Variants in DPP6 observed in about 807,000 individuals in gnomAD.
The protein encoded by DPP6 is dipeptidyl peptidase like 6.
In DPP6, 69 loss-of-function variants were observed where a neutral mutation model predicts 122.6. That is an observed-to-expected ratio of 0.56 (90% CI 0.46 to 0.69). DPP6 has a LOEUF of 0.69. Ranked by LOEUF, DPP6 falls within the 30% of genes least tolerant of loss-of-function variation. The pLI is 0.00. For missense variants in DPP6, 928 were observed against 1,116.9 expected (o/e 0.83, Z 2.41); for synonymous variants, 418 against 433.1 (o/e 0.97, Z 0.43).
At chr7:154,346,762 C>T (rs1272812026) in intron 1 of DPP6, among the ~76,000 whole-genome samples, 3 of 152,226 alleles carry the variant, frequency 2.0e-5, no homozygotes, top group Non-Finnish European at 4.4e-5. Context: ...GCTTCCTGAG[C>T]TTTCCTGTGC....
chr7:154,431,003 G>C (rs141808098), intron 1 of DPP6, among the ~76,000 whole-genome samples: 1 of 152,260 alleles, frequency 6.6e-6, no homozygotes, highest in East Asian at 1.9e-4. Flanking sequence ...ATGATGTCCT[G>C]TGCTCACGGC....
intron 1 of DPP6, among the ~76,000 whole-genome samples, chr7:153,964,940 T>TTCTTTC (rs775438233): frequency 6.9e-5 from 6 of 86,722 alleles, no homozygotes; most frequent in African/African-American, 1.8e-4. Context: ...CTTTCTTTCT[T>TTCTTTC]TTTCTTTCTT....
rs775016101 is a variant in DPP6 at position 154,893,451 on chromosome 7, T to TAAAAAAAAAAAAAAAAAAAAAAA, written c.*971_*972insAAAAAAAAAAAAAAAAAAAAAAA. The TAAAAAAAAAAAAAAAAAAAAAAA allele has an allele frequency of 1.3e-4, 8 of 61,334 alleles. 1 individual carries two copies. The highest frequency in any genetic ancestry group is 3.5e-4 in the African/African-American group (7 of 19,890). The allele number at this position is 61,334 out of a possible 1,614,324, so 3.8% of individuals were successfully genotyped here. ...CAAGCTCTTTCCCATGACATTTGGT[T>TAAAAAAAAAAAAAAAAAAAAAAA]TAAAAAAAAAAAAAAAAAAAAAAAA... On this transcript the variant is annotated 3_prime_UTR_variant, in exon 26 of 26. Transcript: ENST00000377770.
At chr7:153,760,365 G>C in the DPP6 span, among the ~76,000 whole-genome samples, 1 of 152,194 alleles carries the variant, frequency 6.6e-6, no homozygotes, top group Non-Finnish European at 1.5e-5. Context: ...AGTTGCAGCA[G>C]CTCTGGGTCA....
chr7:154,700,107 C>T lies in DPP6; in HGVS notation c.763-27660C>T, dbSNP rs191740501. Among the ~76,000 whole-genome samples, 84 of 152,258 alleles carry T rather than the reference C, an allele frequency of 5.5e-4. 1 individual carries two copies. The highest frequency in any genetic ancestry group is 1.7e-3 in the South Asian group (8 of 4,820). On this transcript the variant is annotated intron_variant, in intron 7 of 25. Transcript: ENST00000377770. ...AAAGTCTTCAGTGTTTGGTTAATAA[C>T]AAGTACTATGTGAATGTAAAATAAA...
rs147195003 is a variant in DPP6, at chr7:154,781,215, C to A, written c.1136+8273C>A. Among the ~76,000 whole-genome samples the A allele has an allele frequency of 5.8e-3, 881 of 152,110 alleles. 6 individuals carry two copies. The highest frequency in any genetic ancestry group is 0.02 in the African/African-American group (821 of 41,480). On this transcript the variant is annotated intron_variant, in intron 10 of 25. Coordinates refer to ENST00000377770, the MANE Select transcript of DPP6 (RefSeq NM_130797.4). ...ATGGATGGATGGACAGACTGATGGACAAATAGATAGATGGGTGCTGAGTGT... is the reference window on the plus strand; with the variant it reads ...ATGGATGGATGGACAGACTGATGGAAAAATAGATAGATGGGTGCTGAGTGT...
intron 5 of DPP6, 72 bp from the exon 6 acceptor site, chr7:154,637,749 A>G (rs1463476455): frequency 6.8e-6 from 10 of 1,478,212 alleles, no homozygotes; most frequent in South Asian, 1.4e-5. Context: ...TAGGATTCAC[A>G]GTGATTTGAA....
intron 1 of DPP6, among the ~76,000 whole-genome samples, chr7:153,930,649 A>G (rs1801130571): frequency 6.6e-6 from 1 of 152,150 alleles, no homozygotes. Context: ...TTCTTACCGA[A>G]AGACTTTTTA....
rs562530959 is a variant in DPP6 at position 154,755,050 on chromosome 7, G to A, written c.884-14367G>A. ...ATGCAGGGCTTAAAACCTAGATGAC[G>A]GGTTGATAGATGCAGCAAACCACCA... On this transcript the variant is annotated intron_variant, in intron 8 of 25. Coordinates refer to ENST00000377770, the MANE Select transcript of DPP6 (RefSeq NM_130797.4). This position sits in a 1 kb window ranked among gnomAD's most constrained non-coding sequence, Gnocchi z 4.7. Among the ~76,000 whole-genome samples the A allele has an allele frequency of 9.9e-5, 15 of 151,608 alleles. No homozygotes were observed. The highest frequency in any genetic ancestry group is 1.9e-4 in the East Asian group (1 of 5,138).
chr7:154,271,396 G>T (rs1307469270), intron 1 of DPP6, among the ~76,000 whole-genome samples: 1 of 152,164 alleles, frequency 6.6e-6, no homozygotes, highest in Non-Finnish European at 1.5e-5. Context: ...ACGTGGGCAG[G>T]TGTTGAGTTC....
chr7:153,882,027 T>A, the DPP6 span, among the ~76,000 whole-genome samples: 2 of 152,200 alleles, frequency 1.3e-5, no homozygotes, highest in Non-Finnish European at 2.9e-5. Context: ...ATAAAATCTA[T>A]CACATGTCAT....
chr7:153,786,769 C>T, the DPP6 span, among the ~76,000 whole-genome samples: 1 of 95,180 alleles, frequency 1.1e-5, no homozygotes, highest in African/African-American at 3.6e-5. Flanking sequence ...AAAAGATATA[C>T]TACTATTTTG....
chr7:153,837,837 A>ATTTTTTTTTTTTTTTTTTT, the DPP6 span, among the ~76,000 whole-genome samples: 90 of 80,636 alleles, frequency 1.1e-3, 5 homozygotes, highest in Non-Finnish European at 1.6e-3. Flanking sequence ...TGCCTGGTTA[A>ATTTTTTTTTTTTTTTTTTT]TTTTTTTTTT....
intron 1 of DPP6, among the ~76,000 whole-genome samples, chr7:154,317,954 A>G (rs566479618): frequency 3.3e-5 from 5 of 152,238 alleles, no homozygotes; most frequent in Non-Finnish European, 7.3e-5. Flanking sequence ...CATATTCTCA[A>G]CAAATGCATG....
Position 154,711,939 on chromosome 7 carries a change from TACACAC to T in DPP6, c.763-15807_763-15802del, listed in dbSNP as rs57187871. On this transcript the variant is annotated intron_variant, in intron 7 of 25. Transcript: ENST00000377770. ...ATTAAGGGTGTAAATTGTCACTTAA[TACACAC>T]ACACACACACACACACACACTCTTC... Among the ~76,000 whole-genome samples, 7 of 63,834 alleles carry T rather than the reference TACACAC, an allele frequency of 1.1e-4. 1 individual carries two copies. The highest frequency in any genetic ancestry group is 0.017 in the Middle Eastern group (2 of 120). The allele number at this position is 63,834 out of a possible 152,430, so 41.9% of individuals were successfully genotyped here.
chr7:154,126,612 G>A (rs1253957420), intron 1 of DPP6, among the ~76,000 whole-genome samples: 11 of 150,680 alleles, frequency 7.3e-5, no homozygotes, highest in South Asian at 2.1e-4. Flanking sequence ...CGAGCATCAC[G>A]ATTCGAAACC....
rs986719080 is a variant in DPP6, at chr7:154,380,080, G to A, written c.244-66134G>A. ...CCAAAAAGTAATGAGGTTGAGGGGA[G>A]AATATACTAAATTGAAAAAACACAC... On this transcript the variant is annotated intron_variant, in intron 1 of 25. Transcript: ENST00000377770. Among the ~76,000 whole-genome samples the A allele has an allele frequency of 7.2e-5, 11 of 152,118 alleles. No individual in the cohort carries two copies. In the South Asian group the frequency reaches 1.9e-3, roughly 26 times the overall value.
intron 1 of DPP6, among the ~76,000 whole-genome samples, chr7:154,015,544 T>A (rs988049279): frequency 6.6e-6 from 1 of 152,160 alleles, no homozygotes; most frequent in East Asian, 1.9e-4. Flanking sequence ...CTCATCCCCA[T>A]GGCCATCGCT....
chr7:154,167,662 A>C (rs929427248), intron 1 of DPP6, among the ~76,000 whole-genome samples: 21 of 152,138 alleles, frequency 1.4e-4, no homozygotes, highest in Non-Finnish European at 2.8e-4. Flanking sequence ...AGCTGTTTTC[A>C]GGGGGGCATT....
Sources: gnomAD v4.1 joint callset for allele counts (sites outside exome capture counted in the v4.1 genomes callset) on GRCh38, gnomAD v4.1.1 for gene constraint, Gnocchi (gnomAD v3.1) non-coding constraint, MANE v1.5 for transcripts, NCBI Gene and HGNC (gene_info 2026-07-23, HGNC 2026-07-21) for gene names.